Variants in SCN2A observed in about 807,000 individuals in gnomAD.
SCN2A encodes the protein sodium channel protein type 2 subunit alpha.
SCN2A carries 20 observed loss-of-function variants against 188.7 expected under a neutral mutation model. The ratio of observed to expected loss-of-function variants is 0.11; its 90% CI spans 0.07 to 0.15. SCN2A has a LOEUF of 0.15. Among genes scored for constraint, SCN2A ranks in the 10% least tolerant of loss-of-function variants. The pLI, the probability that SCN2A is intolerant of heterozygous loss-of-function variation, is 1.00. For synonymous variants in SCN2A, 804 were observed against 833.1 expected (o/e 0.97, Z 0.60); for missense variants, 1,278 against 2,445.0 (o/e 0.52, Z 10.07).
chr2:165,386,764 G>A lies in SCN2A; in HGVS notation c.4570G>A (p.Val1524Ile). ...GTTCCAGAACAAATTCCAAGGAATG[G>A]TCTTTGATTTTGTAACCAAACAAGT... The part of the protein sequence containing the change: ...PRPANKFQGM[V>I]FDFVTKQVFD... The change falls in exon 26 of 27, where the codon GTC (valine) becomes ATC (isoleucine). Residue 1524 changes from valine (V) to isoleucine (I), a missense_variant. Val to Ile is a conservative substitution (Grantham distance 29, BLOSUM62 3). Coordinates refer to ENST00000375437, the MANE Select transcript of SCN2A (RefSeq NM_001040142.2). 6.2e-7 allele frequency: 1 copy of A among 1,613,480 alleles called. No individual in the cohort carries two copies. Among genetic ancestry groups the A allele is most frequent in the Non-Finnish European group, 8.5e-7 (1 of 1,179,608 alleles).
intron 1 of SCN2A, among the ~76,000 whole-genome samples, chr2:165,254,180 T>A (rs186081876): frequency 6.6e-6 from 1 of 151,948 alleles, no homozygotes; most frequent in Non-Finnish European, 1.5e-5. Context: ...AAATGTGATA[T>A]CTGTTAGATG....
intron 16 of SCN2A, among the ~76,000 whole-genome samples, chr2:165,348,984 A>T (rs760514477): frequency 6.6e-6 from 1 of 152,260 alleles, no homozygotes; most frequent in South Asian, 2.1e-4. Context: ...TGTATTCATT[A>T]GAAGCTAGTC....
intron 1 of SCN2A, among the ~76,000 whole-genome samples, chr2:165,284,853 A>G (rs185749855): frequency 6.6e-6 from 1 of 152,202 alleles, no homozygotes; most frequent in African/African-American, 2.4e-5. Context: ...CTTCCTGCTG[A>G]TGAGCCATTT....
intron 1 of SCN2A, among the ~76,000 whole-genome samples, chr2:165,265,917 G>C (rs1230570280): frequency 6.6e-6 from 1 of 151,330 alleles, no homozygotes; most frequent in South Asian, 2.1e-4. Flanking sequence ...GAAATCCTGA[G>C]CTCAAGTGAT....
At chr2:165,282,930 G>T (rs1446453795) in intron 1 of SCN2A, among the ~76,000 whole-genome samples, 1 of 152,132 alleles carries the variant, frequency 6.6e-6, no homozygotes, top group African/African-American at 2.4e-5. Flanking sequence ...AGGAATCAAG[G>T]ATGGCTGTAA....
chr2:165,268,159 A>G (rs572546273), intron 1 of SCN2A: 1 of 152,162 alleles, frequency 6.6e-6, no homozygotes, highest in African/African-American at 2.4e-5. Context: ...AAGATAGAGA[A>G]AGAAGGAATC....
chr2:165,342,480 T>G lies in SCN2A; in HGVS notation c.2562+11T>G, dbSNP rs1265049894. On this transcript the variant is annotated intron_variant, in intron 15 of 26. Transcript: ENST00000375437. ...CGATCATTCCGGCTGGTAAATTAAC[T>G]GGGAGTGTTCATAAAATGTACTTTG... is the stretch of plus-strand genomic sequence containing the variant. 6.2e-6 allele frequency: 10 copies of G among 1,613,816 alleles called. No homozygotes were observed. The highest frequency in any genetic ancestry group is 7.6e-6 in the Non-Finnish European group (9 of 1,179,752).
At chr2:165,320,205 A>C in intron 11 of SCN2A, 1 of 152,332 alleles carries the variant, frequency 6.6e-6, no homozygotes, top group Non-Finnish European at 1.5e-5. Context: ...TAAAGCTCAA[A>C]AATGATCTCC....
At chr2:165,340,625 T>G (rs1347937009) in intron 14 of SCN2A, among the ~76,000 whole-genome samples, 1 of 152,114 alleles carries the variant, frequency 6.6e-6, no homozygotes, top group East Asian at 1.9e-4. Context: ...TTTTGAAATA[T>G]GAACTATTAT....
chr2:165,310,436 A>G lies in SCN2A; in HGVS notation c.811A>G (p.Met271Val), dbSNP rs1553567946. The G allele has an allele frequency of 9.3e-6, 15 of 1,613,700 alleles. No individual in the cohort carries two copies. The highest frequency in any genetic ancestry group is 1.3e-5 in the African/African-American group (1 of 75,034). ...TGCGCTAATAGGATTGCAGTTGTTC[A>G]TGGGCAACCTACGAAATAAATGTTT... Reference protein sequence around the residue: ...VFALIGLQLFMGNLRNKCLQW... With the variant: ...VFALIGLQLFVGNLRNKCLQW... The change falls in exon 7 of 27, where the codon ATG becomes GTG. Residue 271 changes from methionine to valine, a missense_variant. Physicochemically the swap from Met to Val is conservative, Grantham distance 21. This residue lies in a region of SCN2A where 37 missense variants were observed against 154.9 expected (regional missense o/e 0.24). Transcript: ENST00000375437.
chr2:165,286,740 C>T (rs1228428010), intron 1 of SCN2A, among the ~76,000 whole-genome samples: 1 of 152,176 alleles, frequency 6.6e-6, no homozygotes, highest in East Asian at 1.9e-4. Flanking sequence ...GGGTGTGTTT[C>T]AGCCCTGAGA....
intron 17 of SCN2A, among the ~76,000 whole-genome samples, chr2:165,357,842 C>T (rs1024984035): frequency 2.0e-5 from 3 of 152,096 alleles, no homozygotes; most frequent in African/African-American, 7.2e-5. Context: ...AGGCTCGTGC[C>T]ACCACTTTTA....
rs764351890 is a variant in SCN2A at position 165,389,398 on chromosome 2, T to C, written c.5592T>C (p.Arg1864=). 4 of 1,613,858 alleles carry C rather than the reference T, an allele frequency of 2.5e-6. No homozygotes were observed. In the African/African-American group the frequency reaches 5.3e-5, roughly 22 times the overall value. The change falls in exon 27 of 27, where the codon CGT becomes CGC. Residue 1864 remains arginine (R), a synonymous_variant. Coordinates refer to ENST00000375437, the MANE Select transcript of SCN2A (RefSeq NM_001040142.2). This position sits in a 1 kb window ranked among gnomAD's most constrained non-coding sequence, Gnocchi z 4.2. ...CLDILFAFTK[R]VLGESGEMDA... ...ACATCTTATTTGCTTTTACAAAGCG[T>C]GTTTTGGGTGAGAGTGGAGAGATGG...
chr2:165,359,589 A>G (rs1700352205), intron 17 of SCN2A, among the ~76,000 whole-genome samples: 1 of 152,084 alleles, frequency 6.6e-6, no homozygotes, highest in Non-Finnish European at 1.5e-5. Flanking sequence ...TCCTAAAAAA[A>G]TATACTAATT....
intron 1 of SCN2A, among the ~76,000 whole-genome samples, chr2:165,292,617 A>G (rs1696275739): frequency 1.3e-5 from 2 of 152,210 alleles, no homozygotes; most frequent in South Asian, 4.1e-4. Flanking sequence ...TACATTTTCC[A>G]ATGAAAATGA....
intron 15 of SCN2A, among the ~76,000 whole-genome samples, chr2:165,343,194 C>T (rs1001556609): frequency 5.9e-5 from 9 of 152,110 alleles, no homozygotes; most frequent in African/African-American, 1.9e-4. Flanking sequence ...AGGCTGTACA[C>T]GGTTACTAAG....
chr2:165,356,803 A>G (rs1700203259), intron 17 of SCN2A, among the ~76,000 whole-genome samples: 1 of 152,192 alleles, frequency 6.6e-6, no homozygotes. Flanking sequence ...GTAAGAGGGA[A>G]GTCCAGTGAT....
chr2:165,250,936 C>CA (rs1398748978), intron 1 of SCN2A, among the ~76,000 whole-genome samples: 2 of 151,476 alleles, frequency 1.3e-5, no homozygotes, highest in African/African-American at 4.8e-5. Flanking sequence ...TTGACTCAAC[C>CA]AAAAAAATCT....
intron 1 of SCN2A, among the ~76,000 whole-genome samples, chr2:165,257,763 C>T (rs1292759743): frequency 6.6e-6 from 1 of 152,100 alleles, no homozygotes; most frequent in Non-Finnish European, 1.5e-5. Flanking sequence ...GTCTCGAACT[C>T]CTGGCTTCAA....
Sources: allele counts gnomAD v4.1 joint callset (sites outside exome capture counted in the v4.1 genomes callset), GRCh38; gene constraint gnomAD v4.1.1; regional missense constraint gnomAD v4.1.1; non-coding constraint Gnocchi (gnomAD v3.1); transcripts MANE v1.5; gene names NCBI Gene and HGNC (gene_info 2026-07-23, HGNC 2026-07-21).